The following ADCY9 variants were observed in gnomAD, a reference collection of about 807,000 sequenced individuals.
The protein encoded by ADCY9 is adenylate cyclase type 9.
ADCY9 carries 50 observed loss-of-function variants against 101.5 expected under a neutral mutation model. That is an observed-to-expected ratio of 0.49 (90% CI 0.39 to 0.62). The LOEUF (loss-of-function observed/expected upper bound fraction) is 0.62. ADCY9 is among the 20% of genes least tolerant of loss of function. The probability of loss-of-function intolerance (pLI) is 0.00; values close to 1 mark genes in which losing one functional copy is unlikely to be tolerated. For synonymous variants in ADCY9, 905 were observed against 769.3 expected (o/e 1.18, Z -2.92); for missense variants, 1,662 against 1,800.4 (o/e 0.92, Z 1.39).
intron 2 of ADCY9, among the ~76,000 whole-genome samples, chr16:4,104,390 CA>C (rs1293634169): frequency 2.0e-5 from 3 of 151,958 alleles, no homozygotes; most frequent in Admixed American, 2.0e-4. Context: ...TAATAGTGTA[CA>C]AAAAAAGATA....
chr16:3,987,273 C>T (rs2056201133), intron 6 of ADCY9, among the ~76,000 whole-genome samples: 1 of 152,240 alleles, frequency 6.6e-6, no homozygotes, highest in Non-Finnish European at 1.5e-5. Context: ...CACGTCTTTC[C>T]CCCTTCCCCA....
At chr16:4,113,434 G>A (rs2057126451) in intron 2 of ADCY9, among the ~76,000 whole-genome samples, 1 of 152,204 alleles carries the variant, frequency 6.6e-6, no homozygotes, top group South Asian at 2.1e-4. Context: ...GAATGCTGAA[G>A]GGCTCCATAC....
At chr16:3,973,575 T>C (rs1428307862) in intron 10 of ADCY9, among the ~76,000 whole-genome samples, 4 of 152,160 alleles carry the variant, frequency 2.6e-5, no homozygotes, top group Admixed American at 2.6e-4. Flanking sequence ...CACAGCTCAA[T>C]GCAGCCTCAA....
intron 3 of ADCY9, among the ~76,000 whole-genome samples, chr16:3,999,966 G>A (rs1262681529): frequency 1.3e-5 from 2 of 152,158 alleles, no homozygotes; most frequent in African/African-American, 4.8e-5. Context: ...AACTGTCAAG[G>A]GAGGGAGTGG....
chr16:3,973,859 A>G (rs192413017), intron 10 of ADCY9, among the ~76,000 whole-genome samples: 1 of 151,878 alleles, frequency 6.6e-6, no homozygotes, highest in East Asian at 1.9e-4. Flanking sequence ...TTGTGGTTCT[A>G]TTTATTATTT....
chr16:3,987,339 G>A (rs1230485091), intron 6 of ADCY9, among the ~76,000 whole-genome samples: 2 of 152,260 alleles, frequency 1.3e-5, no homozygotes, highest in African/African-American at 4.8e-5. Flanking sequence ...GGTGCCTGGA[G>A]GAAGGCATGG....
At chr16:4,082,389 AC>A (rs988531857) in intron 2 of ADCY9, among the ~76,000 whole-genome samples, 1 of 152,190 alleles carries the variant, frequency 6.6e-6, no homozygotes, top group African/African-American at 2.4e-5. Flanking sequence ...AAGAAAAAAA[AC>A]AAACAAAATT....
intron 5 of ADCY9, among the ~76,000 whole-genome samples, chr16:3,956,506 G>GC (rs746377131): frequency 0.09 from 981 of 10,874 alleles, 20 homozygotes; most frequent in African/African-American, 0.21. Flanking sequence ...TTTTTTTTGG[G>GC]GGGGGATGGA....
Position 3,979,987 on chromosome 16 carries a change from C to G in ADCY9, c.2520-712G>C, listed in dbSNP as rs746061955. 2.4e-4 allele frequency among the ~76,000 whole-genome samples: 37 copies of G among 152,222 alleles called. 2 individuals carry two copies. The highest frequency in any genetic ancestry group is 2.3e-3 in the Admixed American group (35 of 15,292). ...TGGTCTCTGCTGTTTGGGGCATCAT[C>G]ATCAGTGTTTCAGAAAATCACACCA... On this transcript the variant is annotated intron_variant, in intron 7 of 10. Coordinates refer to ENST00000294016, the MANE Select transcript of ADCY9 (RefSeq NM_001116.4).
intron 2 of ADCY9, among the ~76,000 whole-genome samples, chr16:4,087,054 T>A (rs1341984041): frequency 6.6e-6 from 1 of 152,072 alleles, no homozygotes; most frequent in Admixed American, 6.6e-5. Flanking sequence ...TCCATTCTGA[T>A]ACTGCGCCCT....
downstream of ADCY9, among the ~76,000 whole-genome samples, chr16:3,960,897 G>C (rs570124597): frequency 6.6e-6 from 1 of 152,302 alleles, no homozygotes; most frequent in African/African-American, 2.4e-5. Flanking sequence ...TCCATTGCGT[G>C]CAAGTGTGTA....
chr16:4,020,355 C>T (rs1188902749), intron 2 of ADCY9, among the ~76,000 whole-genome samples: 1 of 152,078 alleles, frequency 6.6e-6, no homozygotes, highest in Non-Finnish European at 1.5e-5. Context: ...TTCTTTTTTA[C>T]CTTTATTAAA....
chr16:4,106,357 G>A (rs1258151629), intron 2 of ADCY9, among the ~76,000 whole-genome samples: 2 of 152,144 alleles, frequency 1.3e-5, no homozygotes, highest in African/African-American at 4.8e-5. Context: ...ACGGATGGCG[G>A]CCCCACATCC....
chr16:3,977,049 A>G (rs947668834), intron 9 of ADCY9, among the ~76,000 whole-genome samples: 1 of 152,200 alleles, frequency 6.6e-6, no homozygotes. Flanking sequence ...GTCCCGGTTC[A>G]TGAACCCTAC....
chr16:4,096,118 G>T (rs1312449958), intron 2 of ADCY9, among the ~76,000 whole-genome samples: 1 of 151,878 alleles, frequency 6.6e-6, no homozygotes, highest in African/African-American at 2.4e-5. Flanking sequence ...AGGAAGTAAA[G>T]AATCTTTTAT....
Position 4,114,074 on chromosome 16 carries a change from C to G in ADCY9, c.1369G>C (p.Asp457His). ...CVAGCPEPRA[D>H]HAYCCIEMGL... Reference sequence around the variant, plus strand: ...ATCTCGATGCAGCAGTAGGCATGGTCGGCCCGGGGCTCGGGACAGCCCGCC... The same window carrying G: ...ATCTCGATGCAGCAGTAGGCATGGTGGGCCCGGGGCTCGGGACAGCCCGCC... Residue 457 changes from aspartate (D) to histidine (H), a missense_variant, in exon 2 of 11, where the codon GAC becomes CAC. This residue lies in a region of ADCY9 where 228 missense variants were observed against 301.1 expected (regional missense o/e 0.76). Transcript: ENST00000294016. The surrounding 1 kb of genome is among the most constrained non-coding windows in gnomAD (Gnocchi z 4.3). 6.2e-7 allele frequency: 1 copy of G among 1,613,822 alleles called. No homozygotes were observed. The highest frequency in any genetic ancestry group is 8.5e-7 in the Non-Finnish European group (1 of 1,180,032).
intron 3 of ADCY9, among the ~76,000 whole-genome samples, chr16:4,005,315 T>C (rs1014988887): frequency 6.6e-6 from 1 of 152,214 alleles, no homozygotes; most frequent in African/African-American, 2.4e-5. Context: ...GCAGCCTAAA[T>C]TCCTGGGCTC....
chr16:4,044,477 T>TA (rs763655201), intron 2 of ADCY9, among the ~76,000 whole-genome samples: 9 of 151,758 alleles, frequency 5.9e-5, no homozygotes, highest in African/African-American at 9.7e-5. Flanking sequence ...GCAAAGGAAA[T>TA]CAAAAAAAGG....
intron 2 of ADCY9, among the ~76,000 whole-genome samples, chr16:4,053,441 A>G (rs578168701): frequency 6.6e-6 from 1 of 152,330 alleles, no homozygotes; most frequent in African/African-American, 2.4e-5. Flanking sequence ...CGACGGAAAC[A>G]GCAGTTGGCA....
Sources: gnomAD v4.1 joint callset for allele counts (sites outside exome capture counted in the v4.1 genomes callset) on GRCh38, gnomAD v4.1.1 for gene constraint, gnomAD v4.1.1 regional missense constraint, Gnocchi (gnomAD v3.1) non-coding constraint, MANE v1.5 for transcripts, NCBI Gene and HGNC (gene_info 2026-07-23, HGNC 2026-07-21) for gene names.